Variants in MAPKAP1 observed in about 807,000 individuals in gnomAD.
MAPKAP1 encodes the protein MAPK associated protein 1, also known as target of rapamycin complex 2 subunit MAPKAP1.
MAPKAP1 carries 20 observed loss-of-function variants against 65.7 expected under a neutral mutation model. That is an observed-to-expected ratio of 0.30 (90% CI 0.21 to 0.44). The LOEUF (loss-of-function observed/expected upper bound fraction) is 0.44, where lower values mean the gene tolerates loss of function less well. Ranked by LOEUF, MAPKAP1 falls within the 20% of genes least tolerant of loss-of-function variation. The probability of loss-of-function intolerance (pLI) is 1.00; values close to 1 mark genes in which losing one functional copy is unlikely to be tolerated. For missense variants in MAPKAP1, 423 were observed against 648.0 expected (o/e 0.65, Z 3.77); for synonymous variants, 222 against 244.3 (o/e 0.91, Z 0.85).
chr9:125,484,379 T>C (rs1854420540), intron 9 of MAPKAP1, 64 bp downstream of exon 9: 3 of 1,484,440 alleles, frequency 2.0e-6, no homozygotes, highest in South Asian at 1.5e-5. Flanking sequence ...ATGTTGTTTC[T>C]TTCCCCATTT....
At position 125,637,705 on chromosome 9, in the gene MAPKAP1, T is replaced by C. The variant is rs570302561; in HGVS notation, c.498+19946A>G. Among the ~76,000 whole-genome samples the C allele has an allele frequency of 3.3e-5, 5 of 152,352 alleles. 1 individual carries two copies. The East Asian group carries it at 7.7e-4, about 23-fold the overall frequency. On this transcript the variant is annotated intron_variant, in intron 4 of 11. Transcript: ENST00000265960. ...CAAGAATAAAAAAATCTCTGGCCTA[T>C]TACAAGGATTAAATGAGAAACGATG...
At chr9:125,673,451 C>T (rs1834553360) in intron 1 of MAPKAP1, among the ~76,000 whole-genome samples, 1 of 152,182 alleles carries the variant, frequency 6.6e-6, no homozygotes, top group Non-Finnish European at 1.5e-5. Flanking sequence ...GTCTCAAACT[C>T]CCGACCTCAG....
intron 5 of MAPKAP1, among the ~76,000 whole-genome samples, chr9:125,563,950 A>G (rs1408522525): frequency 6.6e-6 from 1 of 152,224 alleles, no homozygotes; most frequent in African/African-American, 2.4e-5. Flanking sequence ...TGACCTCGTG[A>G]TCCACCCGCC....
intron 7 of MAPKAP1, among the ~76,000 whole-genome samples, chr9:125,514,258 T>G (rs568736206): frequency 3.9e-5 from 6 of 152,302 alleles, no homozygotes; most frequent in African/African-American, 1.4e-4. Context: ...TGTCCCCTTC[T>G]CTGTGCTCCC....
At chr9:125,641,271 A>G (rs1205242655) in intron 4 of MAPKAP1, among the ~76,000 whole-genome samples, 2 of 152,200 alleles carry the variant, frequency 1.3e-5, no homozygotes, top group African/African-American at 4.8e-5. Flanking sequence ...TTCTGAATCT[A>G]TGATTAATAA....
intron 1 of MAPKAP1, among the ~76,000 whole-genome samples, chr9:125,698,294 T>TATATATATATATAAA (rs1835469330): frequency 1.7e-3 from 11 of 6,326 alleles, no homozygotes; most frequent in African/African-American, 7.5e-3. Flanking sequence ...TATAAATATA[T>TATATATATATATAAA]ATATATATAT....
chr9:125,539,812 TC>T (rs1277424178), intron 7 of MAPKAP1, among the ~76,000 whole-genome samples: 4 of 152,140 alleles, frequency 2.6e-5, no homozygotes, highest in African/African-American at 9.7e-5. Context: ...AGTAGGGACT[TC>T]CTGCCAATGC....
At chr9:125,579,194 G>A (rs1831541254) in intron 5 of MAPKAP1, among the ~76,000 whole-genome samples, 1 of 152,252 alleles carries the variant, frequency 6.6e-6, no homozygotes, top group Non-Finnish European at 1.5e-5. Flanking sequence ...AGACGTAAGT[G>A]TAAAGGAGGC....
intron 11 of MAPKAP1, among the ~76,000 whole-genome samples, chr9:125,442,021 CG>C (rs1032189027): frequency 4.1e-5 from 6 of 146,902 alleles, no homozygotes; most frequent in Non-Finnish European, 8.9e-5. Context: ...CCCAGCTACT[CG>C]GGAAGCTGAG....
intron 4 of MAPKAP1, among the ~76,000 whole-genome samples, chr9:125,637,386 T>A (rs1049763137): frequency 2.1e-5 from 3 of 143,800 alleles, no homozygotes; most frequent in African/African-American, 7.3e-5. Flanking sequence ...AGAGAATGGG[T>A]TTTGCCCTGT....
At chr9:125,621,487 G>A (rs998078798) in intron 4 of MAPKAP1, among the ~76,000 whole-genome samples, 10 of 152,056 alleles carry the variant, frequency 6.6e-5, no homozygotes, top group African/African-American at 2.4e-4. Context: ...TTCATATGAG[G>A]ATTAAATGAG....
At chr9:125,458,711 T>A (rs954179268) in intron 10 of MAPKAP1, among the ~76,000 whole-genome samples, 1 of 148,930 alleles carries the variant, frequency 6.7e-6, no homozygotes, top group South Asian at 2.2e-4. Context: ...CATCCTGGCC[T>A]GTTCTCAATG....
chr9:125,691,347 G>A (rs921479121), intron 1 of MAPKAP1, among the ~76,000 whole-genome samples: 1 of 152,188 alleles, frequency 6.6e-6, no homozygotes, highest in Non-Finnish European at 1.5e-5. Flanking sequence ...GAAGTTTATG[G>A]CTTGCATGAT....
chr9:125,571,819 C>T lies in MAPKAP1; in HGVS notation c.672-12010G>A, dbSNP rs146639696. ...CAGAGATTGCAGTGAGCCAAGATCG[C>T]GCCACTGCACTCCAGCCTGCTCGAC... On this transcript the variant is annotated intron_variant, in intron 5 of 11. Transcript: ENST00000265960. Among the ~76,000 whole-genome samples, 339 of 152,192 alleles carry T rather than the reference C, an allele frequency of 2.2e-3. 6 individuals carry two copies. The East Asian group carries it at 0.059, about 26-fold the overall frequency.
intron 4 of MAPKAP1, among the ~76,000 whole-genome samples, chr9:125,594,720 C>A (rs1832074633): frequency 6.6e-6 from 1 of 152,198 alleles, no homozygotes; most frequent in Non-Finnish European, 1.5e-5. Context: ...CTCTCTCATT[C>A]AGCTGTGAAT....
At chr9:125,585,454 G>A in intron 5 of MAPKAP1, 101 bp downstream of exon 5, 1 of 1,260,256 alleles carries the variant, frequency 7.9e-7, no homozygotes, top group Admixed American at 2.0e-5. Flanking sequence ...GCAGAAGTGT[G>A]GTTCCAGGCC....
At chr9:125,579,925 G>A (rs897795194) in intron 5 of MAPKAP1, among the ~76,000 whole-genome samples, 4 of 152,098 alleles carry the variant, frequency 2.6e-5, no homozygotes, top group East Asian at 1.9e-4. Flanking sequence ...CATGTAATTC[G>A]AAATATGGAA....
intron 1 of MAPKAP1, among the ~76,000 whole-genome samples, chr9:125,703,816 T>G (rs1219385928): frequency 1.3e-5 from 2 of 149,976 alleles, no homozygotes; most frequent in African/African-American, 2.5e-5. Flanking sequence ...CCTTGTCATA[T>G]AATAATTTGA....
intron 8 of MAPKAP1, among the ~76,000 whole-genome samples, chr9:125,495,331 AG>A (rs1284973802): frequency 6.6e-6 from 1 of 152,166 alleles, no homozygotes; most frequent in Non-Finnish European, 1.5e-5. Context: ...ACCATTAGTC[AG>A]GACCTTCAGG....
Sources: gnomAD v4.1 joint callset for allele counts (sites outside exome capture counted in the v4.1 genomes callset) on GRCh38, gnomAD v4.1.1 for gene constraint, MANE v1.5 for transcripts, NCBI Gene and HGNC (gene_info 2026-07-23, HGNC 2026-07-21) for gene names.